Variants in LINGO2 observed in about 807,000 individuals in gnomAD.
LINGO2 encodes the protein leucine-rich repeat and immunoglobulin-like domain-containing nogo receptor-interacting protein 2.
In LINGO2, 14 loss-of-function variants were observed where a neutral mutation model predicts 30.6. The observed-to-expected ratio is 0.46, with a 90% CI of 0.30 to 0.72. The LOEUF (loss-of-function observed/expected upper bound fraction) is 0.72, where lower values mean the gene tolerates loss of function less well. Ranked by LOEUF, LINGO2 falls within the 30% of genes least tolerant of loss-of-function variation. The pLI, the probability that LINGO2 is intolerant of heterozygous loss-of-function variation, is 0.07. For missense variants in LINGO2, 729 were observed against 751.7 expected, an observed-to-expected ratio of 0.97 and a Z score of 0.35; for synonymous variants, 317 against 288.5, an observed-to-expected ratio of 1.10 and a Z score of -1.00.
intron 1 of LINGO2, among the ~76,000 whole-genome samples, chr9:28,603,080 A>G (rs770493286): frequency 6.6e-6 from 1 of 152,082 alleles, no homozygotes; most frequent in Admixed American, 6.6e-5. Flanking sequence ...TCTGGCTTAC[A>G]CTATTGAGCC....
chr9:28,101,055 A>G (rs1252177787), intron 4 of LINGO2, among the ~76,000 whole-genome samples: 1 of 151,560 alleles, frequency 6.6e-6, no homozygotes, highest in African/African-American at 2.4e-5. Flanking sequence ...TTTTTTTTCA[A>G]TTTTAGGGGA....
At chr9:28,284,824 A>C (rs894207497) in intron 4 of LINGO2, among the ~76,000 whole-genome samples, 3 of 152,192 alleles carry the variant, frequency 2.0e-5, no homozygotes, top group African/African-American at 7.2e-5. Flanking sequence ...CTGGTAATCT[A>C]TGGCTGTAAA....
intron 1 of LINGO2, among the ~76,000 whole-genome samples, chr9:28,486,862 G>A (rs927078881): frequency 7.2e-5 from 11 of 152,034 alleles, no homozygotes; most frequent in Non-Finnish European, 1.3e-4. Flanking sequence ...AGGACATACA[G>A]CCAGACTCTC....
intron 2 of LINGO2, among the ~76,000 whole-genome samples, chr9:28,468,018 A>G (rs1587714366): frequency 6.6e-6 from 1 of 152,210 alleles, no homozygotes; most frequent in Admixed American, 6.5e-5. Flanking sequence ...TCAGGAAAGT[A>G]GCAGAATAGA....
At chr9:28,500,424 A>G (rs1377621253) in intron 1 of LINGO2, among the ~76,000 whole-genome samples, 6 of 152,216 alleles carry the variant, frequency 3.9e-5, no homozygotes, top group Non-Finnish European at 4.4e-5. Flanking sequence ...ATTCTCAAAG[A>G]TTAAAGGTAC....
At chr9:28,898,820 G>T in the LINGO2 span, among the ~76,000 whole-genome samples, 289 of 152,238 alleles carry the variant, frequency 1.9e-3, 1 homozygote, top group African/African-American at 6.5e-3. Flanking sequence ...ACTATAGGGT[G>T]CTAGGCTTAG....
chr9:28,709,486 A>G, the LINGO2 span, among the ~76,000 whole-genome samples: 2 of 152,046 alleles, frequency 1.3e-5, no homozygotes, highest in African/African-American at 2.4e-5. Context: ...GGAAAATCTA[A>G]TATATCTAAG....
At chr9:28,096,474 A>G (rs545246043) in intron 4 of LINGO2, among the ~76,000 whole-genome samples, 1 of 152,328 alleles carries the variant, frequency 6.6e-6, no homozygotes, top group East Asian at 1.9e-4. Flanking sequence ...GAAATTACTT[A>G]TGTCACTTCT....
the LINGO2 span, among the ~76,000 whole-genome samples, chr9:29,061,773 A>T: frequency 1.3e-5 from 2 of 152,038 alleles, no homozygotes; most frequent in Admixed American, 1.3e-4. Context: ...TGACAATAGG[A>T]TTTCTTGGAT....
At chr9:28,629,647 T>A (rs1826843515) in intron 1 of LINGO2, among the ~76,000 whole-genome samples, 1 of 152,082 alleles carries the variant, frequency 6.6e-6, no homozygotes, top group Admixed American at 6.6e-5. Context: ...GCTTGCTGGG[T>A]TAGAATACAA....
the LINGO2 span, among the ~76,000 whole-genome samples, chr9:28,791,990 G>A: frequency 6.6e-6 from 1 of 151,008 alleles, no homozygotes; most frequent in East Asian, 1.9e-4. Context: ...ATACACTTGT[G>A]TATACAGTGG....
chr9:29,055,670 C>A, the LINGO2 span, among the ~76,000 whole-genome samples: 23 of 152,084 alleles, frequency 1.5e-4, no homozygotes, highest in African/African-American at 5.6e-4. Flanking sequence ...ACCACCCAAG[C>A]AGTGTACACT....
At chr9:28,986,133 T>C in the LINGO2 span, among the ~76,000 whole-genome samples, 1 of 152,084 alleles carries the variant, frequency 6.6e-6, no homozygotes, top group Non-Finnish European at 1.5e-5. Flanking sequence ...TTTTTATGTG[T>C]TGTACACACC....
intron 3 of LINGO2, among the ~76,000 whole-genome samples, chr9:28,350,868 T>C (rs1364167975): frequency 6.6e-6 from 1 of 151,538 alleles, no homozygotes. Flanking sequence ...CTCAAATACA[T>C]GGAAACTGAA....
chr9:28,810,028 T>G, the LINGO2 span, among the ~76,000 whole-genome samples: 12 of 152,164 alleles, frequency 7.9e-5, no homozygotes, highest in African/African-American at 2.7e-4. Context: ...GGCATCTGAC[T>G]CTAACATCAC....
chr9:28,247,198 C>T (rs1297107627), intron 4 of LINGO2, among the ~76,000 whole-genome samples: 1 of 152,144 alleles, frequency 6.6e-6, no homozygotes, highest in Non-Finnish European at 1.5e-5. Context: ...GTGGCGATTC[C>T]TCAAGGATCT....
At chr9:28,914,704 T>G in the LINGO2 span, among the ~76,000 whole-genome samples, 1 of 152,178 alleles carries the variant, frequency 6.6e-6, no homozygotes, top group Admixed American at 6.5e-5. Flanking sequence ...CTGAAGGACT[T>G]GAGTATGAGT....
intron 1 of LINGO2, among the ~76,000 whole-genome samples, chr9:28,554,041 A>T (rs1467162989): frequency 6.6e-6 from 1 of 152,124 alleles, no homozygotes; most frequent in Non-Finnish European, 1.5e-5. Flanking sequence ...CCGCTGCAAA[A>T]GCATGCCAAA....
At chr9:28,907,574 C>A in the LINGO2 span, among the ~76,000 whole-genome samples, 6,207 of 151,578 alleles carry the variant, frequency 0.041, 196 homozygotes, top group Admixed American at 0.082. Context: ...TGATGAAAAT[C>A]GTACTTAATA....
Sources: allele counts gnomAD v4.1 joint callset (sites outside exome capture counted in the v4.1 genomes callset), GRCh38; gene constraint gnomAD v4.1.1; transcripts MANE v1.5; gene names NCBI Gene and HGNC (gene_info 2026-07-23, HGNC 2026-07-21).